The following GPHN variants were observed in gnomAD, a reference collection of about 807,000 sequenced individuals.
GPHN encodes gephyrin.
Under a neutral mutation model 95.5 loss-of-function variants are expected in GPHN, and 17 were observed. That is an observed-to-expected ratio of 0.18 (90% CI 0.12 to 0.27). The LOEUF (loss-of-function observed/expected upper bound fraction) is 0.27. Among genes scored for constraint, GPHN ranks in the 10% least tolerant of loss-of-function variants. The pLI, the probability that GPHN is intolerant of heterozygous loss-of-function variation, is 1.00. For synonymous variants in GPHN, 320 were observed against 322.5 expected (o/e 0.99, Z 0.08); for missense variants, 660 against 978.1 (o/e 0.67, Z 4.34).
intron 1 of GPHN, among the ~76,000 whole-genome samples, chr14:66,663,798 A>G (rs1243960160): frequency 6.6e-6 from 1 of 151,076 alleles, no homozygotes; most frequent in Non-Finnish European, 1.5e-5. Flanking sequence ...TTTACAAAGC[A>G]AATGGAAAAC....
the GPHN span, chr14:67,346,004 A>G: frequency 1.6e-6 from 1 of 640,416 alleles, no homozygotes; most frequent in Non-Finnish European, 2.7e-6. Context: ...GAATGTAAAC[A>G]TGAAGTGCCT....
the GPHN span, among the ~76,000 whole-genome samples, chr14:67,594,648 C>CAA: frequency 1.5e-5 from 2 of 135,764 alleles, no homozygotes; most frequent in Non-Finnish European, 1.6e-5. Context: ...TGAGACATCT[C>CAA]AAAAAAAAAA....
chr14:67,645,833 A>G, the GPHN span: 1 of 1,610,760 alleles, frequency 6.2e-7, no homozygotes, highest in Non-Finnish European at 8.5e-7. Flanking sequence ...AGAAAGGTGA[A>G]TGGCTTGCAG....
intron 9 of GPHN, among the ~76,000 whole-genome samples, chr14:66,989,245 A>T (rs72730432): frequency 0.044 from 6,640 of 151,844 alleles, 190 homozygotes; most frequent in Middle Eastern, 0.068. Context: ...CATTTTTTTT[A>T]AAAAAAAGAT....
the GPHN span, chr14:67,360,387 G>C: frequency 2.5e-6 from 1 of 395,804 alleles, no homozygotes. Flanking sequence ...TGAGGGGGAA[G>C]CAAGTCTGGT....
downstream of GPHN, among the ~76,000 whole-genome samples, chr14:67,184,052 T>C (rs954507850): frequency 3.9e-5 from 6 of 151,928 alleles, no homozygotes; most frequent in African/African-American, 9.7e-5. Flanking sequence ...CTTGAACACC[T>C]GGGCTCAAGT....
intron 1 of GPHN, among the ~76,000 whole-genome samples, chr14:66,604,767 G>C (rs1264291917): frequency 6.6e-6 from 1 of 152,090 alleles, no homozygotes; most frequent in Non-Finnish European, 1.5e-5. Flanking sequence ...ATTGCATGAT[G>C]CTGAGGTTTG....
At chr14:67,631,986 C>T in the GPHN span, among the ~76,000 whole-genome samples, 175 of 152,224 alleles carry the variant, frequency 1.1e-3, 2 homozygotes, top group African/African-American at 4.1e-3. Flanking sequence ...GTGATTCTTC[C>T]ACCTCAGTGT....
At chr14:66,512,877 G>T (rs2058091972) in intron 1 of GPHN, among the ~76,000 whole-genome samples, 1 of 151,732 alleles carries the variant, frequency 6.6e-6, no homozygotes, top group Non-Finnish European at 1.5e-5. Context: ...CCCATTTATT[G>T]ATAAGGATAT....
intron 2 of GPHN, among the ~76,000 whole-genome samples, chr14:66,692,254 A>G (rs898495170): frequency 2.0e-5 from 3 of 152,010 alleles, no homozygotes; most frequent in African/African-American, 4.8e-5. Context: ...TTTTATTACT[A>G]TTTTCTGACA....
At chr14:67,123,536 T>G (rs190761570) in intron 17 of GPHN, among the ~76,000 whole-genome samples, 65 of 152,128 alleles carry the variant, frequency 4.3e-4, no homozygotes, top group Non-Finnish European at 7.4e-5. Context: ...ATTGCCTAGG[T>G]GTGGTGGTAC....
intron 11 of GPHN, among the ~76,000 whole-genome samples, chr14:67,072,854 G>A (rs1329992080): frequency 6.6e-6 from 1 of 150,582 alleles, no homozygotes; most frequent in East Asian, 1.9e-4. Flanking sequence ...GAATGATTTG[G>A]TAATACTGTT....
intron 19 of GPHN, among the ~76,000 whole-genome samples, chr14:67,164,467 C>G (rs1352150661): frequency 1.3e-5 from 2 of 152,032 alleles, no homozygotes; most frequent in Non-Finnish European, 2.9e-5. Flanking sequence ...CAATAGGCAA[C>G]TGTCTGATAG....
At chr14:67,015,369 A>G (rs1252018155) in intron 9 of GPHN, among the ~76,000 whole-genome samples, 4 of 152,092 alleles carry the variant, frequency 2.6e-5, no homozygotes, top group Admixed American at 6.6e-5. Flanking sequence ...AATATTGTCT[A>G]TTTGCCGGCA....
the GPHN span, chr14:67,573,142 C>G: frequency 3.2e-6 from 2 of 620,866 alleles, no homozygotes; most frequent in Non-Finnish European, 5.8e-6. This position sits in a 1 kb window ranked among gnomAD's most constrained non-coding sequence, Gnocchi z 4.8. Flanking sequence ...TGAAAATACA[C>G]TGAGTAGGTA....
chr14:66,846,868 C>T (rs558580721), intron 4 of GPHN, among the ~76,000 whole-genome samples: 29 of 152,100 alleles, frequency 1.9e-4, no homozygotes, highest in African/African-American at 5.1e-4. Context: ...TTTTTGCCCC[C>T]GAAGTACAAC....
the GPHN span, chr14:67,649,543 A>G: frequency 3.3e-5 from 5 of 152,148 alleles, no homozygotes; most frequent in African/African-American, 9.7e-5. Flanking sequence ...AACTTTGATG[A>G]CCACTTCTGG....
chr14:67,008,512 T>C (rs1460253837), intron 9 of GPHN, among the ~76,000 whole-genome samples: 1 of 151,886 alleles, frequency 6.6e-6, no homozygotes, highest in African/African-American at 2.4e-5. Flanking sequence ...ATACCTGTCT[T>C]TTCTCTTACA....
chr14:67,554,866 C>A, the GPHN span, among the ~76,000 whole-genome samples: 10 of 152,208 alleles, frequency 6.6e-5, no homozygotes, highest in African/African-American at 2.4e-4. Context: ...CCATGCTCCT[C>A]AGCCTTGAGT....
Sources: gnomAD v4.1 joint callset for allele counts (sites outside exome capture counted in the v4.1 genomes callset) on GRCh38, gnomAD v4.1.1 for gene constraint, Gnocchi (gnomAD v3.1) non-coding constraint, MANE v1.5 for transcripts, NCBI Gene and HGNC (gene_info 2026-07-23, HGNC 2026-07-21) for gene names.